Variants in GTF2IRD1 observed in about 807,000 individuals in gnomAD.
GTF2IRD1 encodes the protein general transcription factor II-I repeat domain-containing protein 1.
A neutral mutation model predicts 113.2 loss-of-function variants in GTF2IRD1; 26 were observed. That is an observed-to-expected ratio of 0.23 (90% CI 0.17 to 0.32). The LOEUF is 0.32. GTF2IRD1 is among the 10% of genes least tolerant of loss of function. The pLI, the probability that GTF2IRD1 is intolerant of heterozygous loss-of-function variation, is 1.00. For missense variants in GTF2IRD1, 864 were observed against 1,280.8 expected (o/e 0.67, Z 4.97); for synonymous variants, 484 against 529.1 (o/e 0.91, Z 1.17).
At chr7:74,600,293 C>T (rs782709517) in intron 25 of GTF2IRD1, among the ~76,000 whole-genome samples, 5 of 151,946 alleles carry the variant, frequency 3.3e-5, no homozygotes, top group African/African-American at 4.8e-5. Flanking sequence ...GTGGCGCGCA[C>T]GTATAGTCCC....
chr7:74,583,573 A>G (rs1326876945), intron 22 of GTF2IRD1, among the ~76,000 whole-genome samples: 40 of 150,294 alleles, frequency 2.7e-4, no homozygotes, highest in African/African-American at 8.1e-4. Context: ...GCCTCCCCAA[A>G]CTGCCAGCCC....
Position 74,540,913 on chromosome 7 carries a change from C to T in GTF2IRD1, c.1618+945C>T, listed in dbSNP as rs1269855559. ...AGTAGCTGGGATTACAGGCGCCCGCCACCACGCCTGGTTAATTTTTTTGTA... is the reference window on the plus strand; with the variant it reads ...AGTAGCTGGGATTACAGGCGCCCGCTACCACGCCTGGTTAATTTTTTTGTA... On this transcript the variant is annotated intron_variant, in intron 14 of 26. Coordinates refer to ENST00000424337, the MANE Select transcript of GTF2IRD1 (RefSeq NM_005685.4). 7.9e-5 allele frequency among the ~76,000 whole-genome samples: 12 copies of T among 151,954 alleles called. 1 individual carries two copies. The highest frequency in any genetic ancestry group is 2.9e-4 in the African/African-American group (12 of 41,400).
At chr7:74,468,357 TAA>T in intron 1 of GTF2IRD1, among the ~76,000 whole-genome samples, 1 of 42,062 alleles carries the variant, frequency 2.4e-5, no homozygotes, top group Admixed American at 2.8e-4. Context: ...AAAAATAATT[TAA>T]AAAAAAAAAA....
At chr7:74,513,807 T>C (rs1244512932) in intron 3 of GTF2IRD1, among the ~76,000 whole-genome samples, 14 of 151,764 alleles carry the variant, frequency 9.2e-5, no homozygotes, top group African/African-American at 3.4e-4. Flanking sequence ...AGCCCAGGAG[T>C]TGGAGACCAG....
intron 1 of GTF2IRD1, among the ~76,000 whole-genome samples, chr7:74,462,839 G>A (rs564084693): frequency 2.0e-5 from 3 of 152,354 alleles, no homozygotes; most frequent in South Asian, 4.1e-4. Flanking sequence ...AATTACACCT[G>A]CCTGCCGCTG....
chr7:74,550,755 A>G (rs1799260671), intron 17 of GTF2IRD1, among the ~76,000 whole-genome samples: 1 of 152,110 alleles, frequency 6.6e-6, no homozygotes. Flanking sequence ...AAAAAATTTT[A>G]AAAATTCTCA....
chr7:74,485,485 C>T (rs189683925), intron 1 of GTF2IRD1, among the ~76,000 whole-genome samples: 2 of 152,082 alleles, frequency 1.3e-5, no homozygotes, highest in African/African-American at 2.4e-5. Flanking sequence ...GGCGTGGTGG[C>T]GGACGCCTGT....
intron 22 of GTF2IRD1, among the ~76,000 whole-genome samples, chr7:74,582,996 G>A (rs1801505983): frequency 6.6e-6 from 1 of 151,308 alleles, no homozygotes; most frequent in Non-Finnish European, 1.5e-5. Context: ...AAAAAACCAC[G>A]TAATTCTCTT....
chr7:74,590,752 C>T (rs1230998664), intron 23 of GTF2IRD1, 73 bp from the exon 24 acceptor site: 3 of 1,068,974 alleles, frequency 2.8e-6, no homozygotes, highest in Non-Finnish European at 1.4e-6. Context: ...GCCCAGACTC[C>T]AGCCCTTTCC....
In GTF2IRD1 at chr7:74,555,572, G is replaced by A; in HGVS notation, c.2023+78G>A. 2 of 939,258 alleles carry A rather than the reference G, an allele frequency of 2.1e-6. No homozygotes were observed. Among genetic ancestry groups the A allele is most frequent in the Admixed American group, 1.9e-5 (1 of 52,338 alleles). 58.2% of individuals were successfully genotyped at this position (939,258 alleles called of 1,614,324 possible). ...TGGTTTGGGTTTGGAGGGCCAGGCT[G>A]GAAGTGGGGAGGAGCTGGCCCCCAA... On this transcript the variant is annotated intron_variant, in intron 19 of 26. Coordinates refer to ENST00000424337, the MANE Select transcript of GTF2IRD1 (RefSeq NM_005685.4). The surrounding 1 kb of genome is among the most constrained non-coding windows in gnomAD (Gnocchi z 5.3).
chr7:74,567,391 A>G (rs1363611445), intron 22 of GTF2IRD1, among the ~76,000 whole-genome samples: 8 of 151,922 alleles, frequency 5.3e-5, no homozygotes, highest in African/African-American at 1.9e-4. Flanking sequence ...CCCAGGGAGA[A>G]ACTTACTGAA....
chr7:74,540,159 A>G (rs1718205828), intron 14 of GTF2IRD1, among the ~76,000 whole-genome samples, 191 bp downstream of exon 14: 1 of 151,994 alleles, frequency 6.6e-6, no homozygotes, highest in African/African-American at 2.4e-5. Flanking sequence ...CTATTTATTT[A>G]TTTAGAGACG....
At chr7:74,593,699 C>T (rs1802215749) in intron 24 of GTF2IRD1, among the ~76,000 whole-genome samples, 1 of 147,422 alleles carries the variant, frequency 6.8e-6, no homozygotes, top group Non-Finnish European at 1.5e-5. Flanking sequence ...TGTCACTGCA[C>T]TCCAGCCTGG....
intron 22 of GTF2IRD1, among the ~76,000 whole-genome samples, chr7:74,576,191 G>T (rs1801048696): frequency 6.6e-6 from 1 of 151,884 alleles, no homozygotes. Context: ...AAACGTAGTG[G>T]CTTCAAACAA....
Position 74,545,726 on chromosome 7 carries a change from C to G in GTF2IRD1, c.1667-18C>G, listed in dbSNP as rs1554353075. The G allele has an allele frequency of 6.2e-7, 1 of 1,608,950 alleles. No homozygotes were observed. Among genetic ancestry groups the G allele is most frequent in the Non-Finnish European group, 8.5e-7 (1 of 1,176,862 alleles). On this transcript the variant is annotated intron_variant, in intron 15 of 26. Transcript: ENST00000424337. ...GCTGCCACCAACCAGCCTCAACAGA[C>G]TGCCTTTTGCCTTCCAGACAGCCAC...
In GTF2IRD1 at chr7:74,535,150, C is replaced by A; in HGVS notation, c.1300+12C>A. The A allele has an allele frequency of 6.2e-7, 1 of 1,607,226 alleles. No homozygotes were observed. Among genetic ancestry groups the A allele is most frequent in the Non-Finnish European group, 8.5e-7 (1 of 1,173,840 alleles). On this transcript the variant is annotated intron_variant, in intron 10 of 26. Coordinates refer to ENST00000424337, the MANE Select transcript of GTF2IRD1 (RefSeq NM_005685.4). ...GCGAATTTTCACAGGTATGTGGGGA[C>A]CATCTAGTCCATTCTGAAGTTTCCG...
chr7:74,464,645 G>T (rs782150257), intron 1 of GTF2IRD1, among the ~76,000 whole-genome samples: 1 of 151,832 alleles, frequency 6.6e-6, no homozygotes, highest in Non-Finnish European at 1.5e-5. Context: ...ACGGGGTTTC[G>T]CCATGTTGGC....
chr7:74,546,609 T>C (rs1207736375), intron 16 of GTF2IRD1, among the ~76,000 whole-genome samples: 4 of 151,958 alleles, frequency 2.6e-5, no homozygotes, highest in African/African-American at 9.7e-5. Context: ...GGTAAAGGGG[T>C]GTGACTCGTC....
chr7:74,559,443 C>T (rs1554358374), intron 21 of GTF2IRD1, among the ~76,000 whole-genome samples, 184 bp from the exon 22 acceptor site: 1 of 152,268 alleles, frequency 6.6e-6, no homozygotes, highest in African/African-American at 2.4e-5. Context: ...CCAATGCCAG[C>T]ACCCTGCCAC....
Sources: allele counts gnomAD v4.1 joint callset (sites outside exome capture counted in the v4.1 genomes callset), GRCh38; gene constraint gnomAD v4.1.1; non-coding constraint Gnocchi (gnomAD v3.1); transcripts MANE v1.5; gene names NCBI Gene and HGNC (gene_info 2026-07-23, HGNC 2026-07-21).